SOX5: variants seen among roughly 807,000 people sequenced by gnomAD.
SOX5 encodes the protein transcription factor SOX-5.
Under a neutral mutation model 92.0 loss-of-function variants are expected in SOX5, and 9 were observed. The ratio of observed to expected loss-of-function variants is 0.10; its 90% confidence interval spans 0.06 to 0.17. The LOEUF (loss-of-function observed/expected upper bound fraction) is 0.17, where lower values mean the gene tolerates loss of function less well. Among genes scored for constraint, SOX5 ranks in the 10% least tolerant of loss-of-function variants. The probability of loss-of-function intolerance (pLI) is 1.00; values close to 1 mark genes in which losing one functional copy is unlikely to be tolerated. For missense variants in SOX5, 642 were observed against 944.5 expected, an observed-to-expected ratio of 0.68 and a Z score of 4.20; for synonymous variants, 344 against 336.3, an observed-to-expected ratio of 1.02 and a Z score of -0.25.
At chr12:24,148,309 A>G (rs1243197916) in intron 4 of SOX5, among the ~76,000 whole-genome samples, 1 of 152,070 alleles carries the variant, frequency 6.6e-6, no homozygotes, top group Non-Finnish European at 1.5e-5. Flanking sequence ...AGCCTGAACA[A>G]CATGGTGAAA....
intron 10 of SOX5, among the ~76,000 whole-genome samples, chr12:23,565,294 A>G (rs1199065449): frequency 1.3e-5 from 2 of 152,148 alleles, no homozygotes; most frequent in Non-Finnish European, 2.9e-5. Flanking sequence ...TTCATGAACA[A>G]TATTACTCTA....
At chr12:24,415,147 A>AAATAGATAT (rs1964802800) in intron 1 of SOX5, among the ~76,000 whole-genome samples, 1 of 152,212 alleles carries the variant, frequency 6.6e-6, no homozygotes. Flanking sequence ...TTAAAAAGTA[A>AAATAGATAT]AATAGATATA....
At chr12:24,045,545 T>C (rs1235032774) in intron 4 of SOX5, among the ~76,000 whole-genome samples, 5 of 152,040 alleles carry the variant, frequency 3.3e-5, no homozygotes, top group African/African-American at 1.2e-4. Flanking sequence ...AGCAGTCCTC[T>C]TGCCTCAGCC....
At chr12:23,572,565 A>G (rs1461695333) in intron 10 of SOX5, among the ~76,000 whole-genome samples, 4 of 152,134 alleles carry the variant, frequency 2.6e-5, no homozygotes, top group Admixed American at 6.6e-5. Flanking sequence ...TGGGAATGCT[A>G]AAGAAAAAAT....
intron 4 of SOX5, among the ~76,000 whole-genome samples, chr12:24,001,904 C>A (rs1951646513): frequency 6.6e-6 from 1 of 152,038 alleles, no homozygotes; most frequent in Non-Finnish European, 1.5e-5. Flanking sequence ...TTCAAAGTTG[C>A]AGTAAGCTAT....
intron 1 of SOX5, among the ~76,000 whole-genome samples, chr12:23,899,821 C>A (rs151079008): frequency 2.1e-4 from 32 of 152,222 alleles, no homozygotes; most frequent in African/African-American, 7.0e-4. Context: ...AATAAAAAAC[C>A]TATTTCTCGG....
chr12:23,929,051 C>A, intron 1 of SOX5, among the ~76,000 whole-genome samples: 1 of 150,946 alleles, frequency 6.6e-6, no homozygotes. Context: ...TTCTACGAAA[C>A]AAAAACACAG....
intron 4 of SOX5, among the ~76,000 whole-genome samples, chr12:24,179,338 A>AT (rs1292705888): frequency 2.6e-5 from 4 of 152,104 alleles, no homozygotes; most frequent in African/African-American, 9.7e-5. Flanking sequence ...TCGACTTACA[A>AT]TTTTTTTGGC....
rs149958425 is a variant in SOX5, at chr12:24,557,171, C to T, written c.-251+5158G>A. 5.1e-3 allele frequency among the ~76,000 whole-genome samples: 769 copies of T among 152,076 alleles called. 3 individuals are homozygous for T. The highest frequency in any genetic ancestry group is 0.014 in the Middle Eastern group (4 of 290). On this transcript the variant is annotated intron_variant, in intron 1 of 4. Transcript: ENST00000446891. The stretch of plus-strand genomic sequence containing the variant: ...TTTGGGAGGCTGAGGTGGAGGATCA[C>T]GAGGTCAGGAGATCGAGACCACTCT...
intron 3 of SOX5, chr12:23,762,611 A>AAC: frequency 2.3e-6 from 1 of 430,378 alleles, no homozygotes; most frequent in South Asian, 2.9e-5. Context: ...TTAATACAAA[A>AAC]AGAAAAAAAA....
At chr12:23,578,901 G>C (rs1046939962) in intron 9 of SOX5, among the ~76,000 whole-genome samples, 4 of 152,012 alleles carry the variant, frequency 2.6e-5, no homozygotes, top group Admixed American at 1.3e-4. Context: ...ATCAAAGATG[G>C]CTGTTTTACT....
intron 11 of SOX5, among the ~76,000 whole-genome samples, chr12:23,559,962 G>A (rs924840332): frequency 2.0e-5 from 3 of 152,108 alleles, no homozygotes; most frequent in Non-Finnish European, 2.9e-5. Context: ...CCAGGCTGGA[G>A]TACAATGGCG....
intron 4 of SOX5, among the ~76,000 whole-genome samples, chr12:24,059,275 C>T (rs892493206): frequency 6.6e-6 from 1 of 151,958 alleles, no homozygotes; most frequent in Admixed American, 6.5e-5. Flanking sequence ...TCACAGCACT[C>T]TCATCGCACC....
Position 24,301,335 on chromosome 12 carries a change from T to C in SOX5, c.-173-24023A>G, listed in dbSNP as rs117330245. 6.4e-4 allele frequency among the ~76,000 whole-genome samples: 97 copies of C among 152,368 alleles called. 1 individual carries two copies. In the East Asian group the frequency reaches 0.015, roughly 24 times the overall value. ...CCTTATCTTAAGTGTCTGGATTATT[T>C]ATGGAAAGCATCAATCTCAGTGGAT... On this transcript the variant is annotated intron_variant, in intron 2 of 4. Coordinates refer to the SOX5 transcript ENST00000446891.
intron 1 of SOX5, among the ~76,000 whole-genome samples, chr12:23,936,749 G>A (rs1942651032): frequency 6.6e-6 from 1 of 150,968 alleles, no homozygotes; most frequent in Admixed American, 6.6e-5. Context: ...TTTAAAAAGA[G>A]ATAAAAATAA....
chr12:23,965,030 G>T (rs1947381557), intron 4 of SOX5, among the ~76,000 whole-genome samples: 1 of 152,194 alleles, frequency 6.6e-6, no homozygotes, highest in Non-Finnish European at 1.5e-5. Context: ...GCCCCCAGGG[G>T]GCGCGTGGTC....
chr12:24,102,194 G>A (rs1344930536), intron 4 of SOX5, among the ~76,000 whole-genome samples: 1 of 152,124 alleles, frequency 6.6e-6, no homozygotes, highest in Non-Finnish European at 1.5e-5. Flanking sequence ...TTTATCTCTT[G>A]TTAACTACAT....
At chr12:23,700,770 T>C (rs1246141201) in intron 6 of SOX5, among the ~76,000 whole-genome samples, 1 of 152,078 alleles carries the variant, frequency 6.6e-6, no homozygotes, top group Non-Finnish European at 1.5e-5. Context: ...TAAAAAAGTA[T>C]GAAACTAGAT....
chr12:24,304,599 G>A (rs1225582045), intron 2 of SOX5, among the ~76,000 whole-genome samples: 5 of 152,036 alleles, frequency 3.3e-5, no homozygotes, highest in South Asian at 4.1e-4. Context: ...TGCAGACCTC[G>A]CTCTTGGGCC....
Sources: allele counts gnomAD v4.1 joint callset (sites outside exome capture counted in the v4.1 genomes callset), GRCh38; gene constraint gnomAD v4.1.1; transcripts MANE v1.5; gene names NCBI Gene and HGNC (gene_info 2026-07-23, HGNC 2026-07-21).